INO80: variants seen among roughly 807,000 people sequenced by gnomAD.
The protein encoded by INO80 is chromatin-remodeling ATPase INO80.
Under a neutral mutation model 203.4 loss-of-function variants are expected in INO80, and 20 were observed. That is an observed-to-expected ratio of 0.10 (90% confidence interval 0.07 to 0.14). The LOEUF (loss-of-function observed/expected upper bound fraction) is 0.14. Ranked by LOEUF, INO80 falls within the 10% of genes least tolerant of loss-of-function variation. The pLI is 1.00. For synonymous variants in INO80, 726 were observed against 685.2 expected, an observed-to-expected ratio of 1.06 and a Z score of -0.93; for missense variants, 1,419 against 1,914.4, an observed-to-expected ratio of 0.74 and a Z score of 4.83.
intron 11 of INO80, 117 bp downstream of exon 11, chr15:41,073,311 G>T: frequency 1.2e-6 from 1 of 856,470 alleles, no homozygotes; most frequent in Non-Finnish European, 2.0e-6. Flanking sequence ...ATATACACAA[G>T]CTAGTCTATG....
chr15:40,984,039 G>A, intron 33 of INO80, 118 bp from the exon 34 acceptor site: 1 of 1,362,640 alleles, frequency 7.3e-7, no homozygotes, highest in Non-Finnish European at 1.0e-6. Flanking sequence ...AAACCAACCT[G>A]TCCTCATTTG....
chr15:41,058,684 T>C lies in INO80; in HGVS notation c.1940A>G (p.Gln647Arg), dbSNP rs141439265. The part of the protein sequence containing the change: ...DVKYFQRVKW[Q>R]YMVLDEAQAL... The stretch of plus-strand genomic sequence containing the variant: ...CTGAGCCTCATCCAGTACCATGTAT[T>C]GCCACTTGACCCGCTGGAAATACTT... The change falls in exon 16 of 36, where the codon CAA (glutamine) becomes CGA (arginine). Residue 647 changes from glutamine to arginine, a missense_variant. Physicochemically the swap from Gln to Arg is conservative, Grantham distance 43 (BLOSUM62 1). Transcript: ENST00000648947. The C allele has an allele frequency of 4.3e-6, 7 of 1,613,716 alleles. No homozygotes were observed. The African/African-American group carries it at 9.4e-5, about 22-fold the overall frequency.
chr15:40,982,435 C>T (rs1320801879), intron 35 of INO80, among the ~76,000 whole-genome samples: 1 of 152,224 alleles, frequency 6.6e-6, no homozygotes, highest in Non-Finnish European at 1.5e-5. Flanking sequence ...AGGTGTGAGC[C>T]ACTGTGCCTG....
Position 41,082,506 on chromosome 15 carries a change from G to A in INO80, c.874-1433C>T, listed in dbSNP as rs185111777. On this transcript the variant is annotated intron_variant, in intron 7 of 35. Transcript: ENST00000648947. ...ACCTGAGGTCAGGACTTCAACACCA[G>A]CCTGGTCAACATGGTGAATCCCCGT... Among the ~76,000 whole-genome samples, 94 of 152,188 alleles carry A rather than the reference G, an allele frequency of 6.2e-4. 2 individuals carry two copies. The highest frequency in any genetic ancestry group is 2.2e-3 in the African/African-American group (93 of 41,536).
At chr15:41,078,955 A>G (rs1002214319) in intron 9 of INO80, among the ~76,000 whole-genome samples, 1 of 152,142 alleles carries the variant, frequency 6.6e-6, no homozygotes, top group African/African-American at 2.4e-5. Context: ...AGCCTGGCCA[A>G]CATAGTGAAA....
At chr15:41,037,614 C>T (rs2044599867) in intron 24 of INO80, among the ~76,000 whole-genome samples, 1 of 152,118 alleles carries the variant, frequency 6.6e-6, no homozygotes, top group African/African-American at 2.4e-5. Flanking sequence ...ATTATACAGC[C>T]TGCCAGTATT....
At chr15:41,043,546 G>A (rs1450892523) in intron 24 of INO80, among the ~76,000 whole-genome samples, 2 of 152,198 alleles carry the variant, frequency 1.3e-5, no homozygotes, top group Admixed American at 6.5e-5. Context: ...AGAAGAGAAG[G>A]AAATCATGTG....
At position 41,000,295 on chromosome 15, in the gene INO80, T is replaced by A. The variant is rs192444962; in HGVS notation, c.3498-2694A>T. Among the ~76,000 whole-genome samples, 4 of 152,030 alleles carry A rather than the reference T, an allele frequency of 2.6e-5. No homozygotes were observed. The East Asian group carries it at 7.7e-4, about 29-fold the overall frequency. On this transcript the variant is annotated intron_variant, in intron 28 of 35. Transcript: ENST00000648947. ...CTTGAGGAGACCCAAAATATGAGCA[T>A]GGGGTAGGCGTCAGGGAATGGGTAC...
At chr15:41,069,323 T>A (rs774356302) in intron 14 of INO80, among the ~76,000 whole-genome samples, 2 of 149,618 alleles carry the variant, frequency 1.3e-5, no homozygotes, top group Non-Finnish European at 3.0e-5. Flanking sequence ...CATGGCACCA[T>A]GCCCGGCTAA....
intron 29 of INO80, among the ~76,000 whole-genome samples, chr15:40,993,346 T>C (rs900093877): frequency 1.3e-5 from 2 of 151,968 alleles, no homozygotes; most frequent in Non-Finnish European, 2.9e-5. Context: ...AGACTAAACC[T>C]GAGATAGGCA....
At chr15:40,999,304 T>C (rs1181003814) in intron 28 of INO80, 1 of 152,222 alleles carries the variant, frequency 6.6e-6, no homozygotes, top group Non-Finnish European at 1.5e-5. Flanking sequence ...ACTTGACTGC[T>C]GACAGTCTGT....
intron 14 of INO80, among the ~76,000 whole-genome samples, chr15:41,067,448 A>G (rs967112018): frequency 2.6e-5 from 4 of 152,214 alleles, no homozygotes; most frequent in Non-Finnish European, 5.9e-5. Flanking sequence ...GCAGAAAAAG[A>G]TGGTGATCAC....
chr15:41,078,191 C>G (rs1348816724), intron 9 of INO80, among the ~76,000 whole-genome samples: 1 of 152,130 alleles, frequency 6.6e-6, no homozygotes, highest in Non-Finnish European at 1.5e-5. Context: ...AGCCACCGCG[C>G]CCGGCCAAGA....
In INO80 at chr15:40,979,240, AC is replaced by A. The variant is rs1893720310; in HGVS notation, c.*982del. The A allele has an allele frequency of 6.6e-6, 1 of 152,628 alleles. No homozygotes were observed. The highest frequency in any genetic ancestry group is 1.5e-5 in the Non-Finnish European group (1 of 68,038). The allele number at this position is 152,628 out of a possible 1,614,324, so 9.5% of individuals were successfully genotyped here. A position where few individuals can be genotyped will look rare whatever the true frequency, so the allele number is the denominator to read the frequency against. On this transcript the variant is annotated 3_prime_UTR_variant, in exon 36 of 36. Transcript: ENST00000648947. ...GGACATCAGGCAGGGACAGGCAGAA[AC>A]ACCTCCCATGCAAACACTGCCCCTC...
chr15:41,044,957 C>T lies in INO80; in HGVS notation c.2854G>A (p.Gly952Arg). 2 of 1,613,910 alleles carry T rather than the reference C, an allele frequency of 1.2e-6. No homozygotes were observed. The highest frequency in any genetic ancestry group is 1.7e-6 in the Non-Finnish European group (2 of 1,179,946). ...GGAAAGGAGAGTGGAAAATTAACCCCAAGAAGGAAATCCTTGTTCCTCAGG... is the reference window on the plus strand; with the variant it reads ...GGAAAGGAGAGTGGAAAATTAACCCTAAGAAGGAAATCCTTGTTCCTCAGG... ...RYLRNKDFLL[G>R]VNFPLSFPNL... Residue 952 changes from glycine to arginine, a missense_variant, in exon 24 of 36, where the codon GGG (glycine) becomes AGG (arginine). Physicochemically the swap from Gly to Arg is moderately radical, Grantham distance 125. Around this residue, in one of 9 missense-constraint regions of INO80, gnomAD observed 302 missense variants for 345.4 expected, o/e 0.87. Transcript: ENST00000648947.
intron 5 of INO80, among the ~76,000 whole-genome samples, chr15:41,088,410 T>G (rs922230395): frequency 5.3e-5 from 8 of 152,112 alleles, no homozygotes; most frequent in African/African-American, 1.9e-4. Flanking sequence ...TGGCCCTTCA[T>G]GCTTGCTTTT....
At chr15:40,992,476 C>T (rs1374296604) in intron 29 of INO80, among the ~76,000 whole-genome samples, 1 of 152,184 alleles carries the variant, frequency 6.6e-6, no homozygotes, top group Non-Finnish European at 1.5e-5. Flanking sequence ...TTTACATATG[C>T]ATTCTCAATC....
chr15:41,041,430 TC>T (rs1427187650), intron 24 of INO80, among the ~76,000 whole-genome samples: 9 of 149,444 alleles, frequency 6.0e-5, no homozygotes, highest in African/African-American at 7.6e-5. Flanking sequence ...AGCTTCTAGT[TC>T]TTTTTTTTTT....
At chr15:40,985,599 TCA>T (rs1254259575) in intron 31 of INO80, among the ~76,000 whole-genome samples, 173 bp from the exon 32 acceptor site, 1 of 152,138 alleles carries the variant, frequency 6.6e-6, no homozygotes, top group East Asian at 1.9e-4. Context: ...TGGGTTTAAA[TCA>T]CACTCTTATT....
Sources: allele counts gnomAD v4.1 joint callset (sites outside exome capture counted in the v4.1 genomes callset), GRCh38; gene constraint gnomAD v4.1.1; regional missense constraint gnomAD v4.1.1; transcripts MANE v1.5; gene names NCBI Gene and HGNC (gene_info 2026-07-23, HGNC 2026-07-21).